Variants in ADAMTS12 observed in about 807,000 individuals in gnomAD.
ADAMTS12 encodes A disintegrin and metalloproteinase with thrombospondin motifs 12.
In ADAMTS12, 118 loss-of-function variants were observed where a neutral mutation model predicts 167.8. The observed-to-expected ratio is 0.70, with a 90% CI of 0.61 to 0.82. The LOEUF (loss-of-function observed/expected upper bound fraction) is 0.82, where lower values mean the gene tolerates loss of function less well. ADAMTS12 is among the 40% of genes least tolerant of loss of function. The pLI is 0.00. For missense variants in ADAMTS12, 1,916 were observed against 1,998.8 expected, an observed-to-expected ratio of 0.96 and a Z score of 0.79; for synonymous variants, 704 against 716.9, an observed-to-expected ratio of 0.98 and a Z score of 0.29.
At chr5:33,575,097 A>T (rs1473485268) in intron 19 of ADAMTS12, among the ~76,000 whole-genome samples, 1 of 152,210 alleles carries the variant, frequency 6.6e-6, no homozygotes, top group East Asian at 1.9e-4. Flanking sequence ...AGGGGCCAGC[A>T]TGATGTCATC....
chr5:33,845,925 A>C (rs1454530072), intron 2 of ADAMTS12, among the ~76,000 whole-genome samples: 84 of 152,204 alleles, frequency 5.5e-4, no homozygotes, highest in Non-Finnish European at 2.2e-4. Flanking sequence ...GCCTCTTGTC[A>C]ACAACCAGGT....
chr5:33,779,022 G>A (rs771218624), intron 2 of ADAMTS12, among the ~76,000 whole-genome samples: 2 of 152,042 alleles, frequency 1.3e-5, no homozygotes, highest in Admixed American at 6.6e-5. Context: ...GGAAGGCAGC[G>A]TGTGGAGAAA....
chr5:33,840,862 T>TGC (rs1277625750), intron 2 of ADAMTS12, among the ~76,000 whole-genome samples: 3 of 152,232 alleles, frequency 2.0e-5, no homozygotes, highest in African/African-American at 7.2e-5. Flanking sequence ...CAGCCTCAGA[T>TGC]GCAGTACTAA....
chr5:33,836,315 G>T (rs1196440029), intron 2 of ADAMTS12, among the ~76,000 whole-genome samples: 3 of 152,120 alleles, frequency 2.0e-5, no homozygotes, highest in East Asian at 1.9e-4. Flanking sequence ...GGACCTGAAG[G>T]CTCATCAGGC....
chr5:33,771,232 T>A (rs1745727811), intron 2 of ADAMTS12, among the ~76,000 whole-genome samples: 1 of 152,196 alleles, frequency 6.6e-6, no homozygotes, highest in East Asian at 1.9e-4. Flanking sequence ...GAGTAAATGA[T>A]GTTGAACATC....
At chr5:33,550,396 G>A (rs1745199663) in intron 20 of ADAMTS12, among the ~76,000 whole-genome samples, 1 of 152,180 alleles carries the variant, frequency 6.6e-6, no homozygotes, top group Non-Finnish European at 1.5e-5. Context: ...GCAGCCTGGT[G>A]TCTCATGGCC....
chr5:33,885,094 G>A (rs1478891674), intron 1 of ADAMTS12, among the ~76,000 whole-genome samples: 2 of 152,118 alleles, frequency 1.3e-5, no homozygotes, highest in African/African-American at 4.8e-5. Flanking sequence ...AGGTTGTCAT[G>A]AAACAGAAAC....
chr5:33,654,592 G>A (rs1740977256), intron 7 of ADAMTS12, among the ~76,000 whole-genome samples: 1 of 152,132 alleles, frequency 6.6e-6, no homozygotes, highest in Non-Finnish European at 1.5e-5. Flanking sequence ...TGGGGCTAGG[G>A]GAGCCCTCAT....
intron 6 of ADAMTS12, among the ~76,000 whole-genome samples, chr5:33,659,277 T>C (rs1252618545): frequency 2.0e-5 from 3 of 152,188 alleles, no homozygotes; most frequent in Non-Finnish European, 2.9e-5. Flanking sequence ...TCTCAGCACA[T>C]GCACCACAAA....
At chr5:33,748,685 T>C (rs1283889696) in intron 3 of ADAMTS12, among the ~76,000 whole-genome samples, 1 of 152,186 alleles carries the variant, frequency 6.6e-6, no homozygotes, top group Non-Finnish European at 1.5e-5. Context: ...AAATGCTCCA[T>C]ATATGGTAAA....
rs148962238 is a variant in ADAMTS12, at chr5:33,653,270, A to G, written c.1191-3573T>C. Among the ~76,000 whole-genome samples, 79 of 152,276 alleles carry G rather than the reference A, an allele frequency of 5.2e-4. No individual in the cohort carries two copies. The East Asian group carries it at 0.014, about 26-fold the overall frequency. On this transcript the variant is annotated intron_variant, in intron 7 of 23. Coordinates refer to ENST00000504830, the MANE Select transcript of ADAMTS12 (RefSeq NM_030955.4). The stretch of plus-strand genomic sequence containing the variant: ...TTTATCTACTAAAATTAATATTAAT[A>G]TAATCATGTGGTTTCTCTTGTTTAG...
chr5:33,672,791 G>C (rs1364381582), intron 5 of ADAMTS12, among the ~76,000 whole-genome samples: 1 of 152,164 alleles, frequency 6.6e-6, no homozygotes, highest in Non-Finnish European at 1.5e-5. Context: ...CATTCCAAAT[G>C]CTGCCTCCAA....
chr5:33,561,196 G>A lies in ADAMTS12; in HGVS notation c.3973-17C>T. On this transcript the variant is annotated splice_polypyrimidine_tract_variant and intron_variant, in intron 19 of 23. Transcript: ENST00000504830. ...GGTGGAGCACTGTAGCAGGGAAGGA[G>A]AGAGATGACAGAGGCTGAGTGTCAC... 5.6e-6 allele frequency: 9 copies of A among 1,608,880 alleles called. No individual in the cohort carries two copies. Among genetic ancestry groups the A allele is most frequent in the Non-Finnish European group, 7.6e-6 (9 of 1,178,852 alleles).
intron 3 of ADAMTS12, among the ~76,000 whole-genome samples, chr5:33,725,450 C>T (rs115028856): frequency 0.017 from 2,564 of 152,292 alleles, 71 homozygotes; most frequent in African/African-American, 0.059. Flanking sequence ...AGAACTTTCC[C>T]CACTTATGAT....
At chr5:33,593,648 G>A (rs1235580500) in intron 17 of ADAMTS12, among the ~76,000 whole-genome samples, 2 of 152,158 alleles carry the variant, frequency 1.3e-5, no homozygotes, top group African/African-American at 4.8e-5. Flanking sequence ...CATGGACACA[G>A]GGAGGGGAAC....
At chr5:33,571,798 T>C (rs1471167308) in intron 19 of ADAMTS12, among the ~76,000 whole-genome samples, 2 of 150,982 alleles carry the variant, frequency 1.3e-5, no homozygotes, top group East Asian at 1.9e-4. Flanking sequence ...AAAAAATTAA[T>C]GAATCCAGGA....
At chr5:33,866,823 A>G (rs1425958942) in intron 2 of ADAMTS12, among the ~76,000 whole-genome samples, 1 of 152,152 alleles carries the variant, frequency 6.6e-6, no homozygotes, top group Non-Finnish European at 1.5e-5. Context: ...TAAGTGGCCA[A>G]TAAACATATG....
chr5:33,561,269 C>T lies in ADAMTS12; in HGVS notation c.3973-90G>A, dbSNP rs932159976. ...TGGGATCCTGGAGTCAGTTCTCAGT[C>T]CCGTTTGCTAACATTGCCCACAGAG... is the stretch of plus-strand genomic sequence containing the variant. On this transcript the variant is annotated intron_variant, in intron 19 of 23. Transcript: ENST00000504830. 11 of 1,498,710 alleles carry T rather than the reference C, an allele frequency of 7.3e-6. No individual in the cohort carries two copies. In the Admixed American group the frequency reaches 2.1e-4, roughly 29 times the overall value. 92.8% of individuals were successfully genotyped at this position (1,498,710 alleles called of 1,614,324 possible). A position where few individuals can be genotyped will look rare whatever the true frequency, so the allele number is the denominator to read the frequency against.
chr5:33,853,325 G>A (rs988279878), intron 2 of ADAMTS12, among the ~76,000 whole-genome samples: 1 of 152,156 alleles, frequency 6.6e-6, no homozygotes, highest in African/African-American at 2.4e-5. Flanking sequence ...CAGAAAGCCT[G>A]TCTCTTCTCA....
Sources: allele counts gnomAD v4.1 joint callset (sites outside exome capture counted in the v4.1 genomes callset), GRCh38; gene constraint gnomAD v4.1.1; transcripts MANE v1.5; gene names NCBI Gene and HGNC (gene_info 2026-07-23, HGNC 2026-07-21).